Variants in SPNS3 observed in about 807,000 individuals in gnomAD.
The protein encoded by SPNS3 is SPNS lysolipid transporter 3, sphingosine-1-phosphate (putative).
Under a neutral mutation model 54.4 loss-of-function variants are expected in SPNS3, and 51 were observed. That is an observed-to-expected ratio of 0.94 (90% confidence interval 0.75 to 1.18). The LOEUF (loss-of-function observed/expected upper bound fraction) is 1.18, where lower values mean the gene tolerates loss of function less well. Among genes scored for constraint, SPNS3 ranks in the 50% most tolerant of loss-of-function variants. SPNS3 has a pLI of 0.00. For synonymous variants in SPNS3, 309 were observed against 294.7 expected (o/e 1.05, Z -0.50); for missense variants, 669 against 677.4 (o/e 0.99, Z 0.14).
intron 8 of SPNS3, among the ~76,000 whole-genome samples, chr17:4,458,646 T>TTCC (rs1971411098): frequency 7.8e-6 from 1 of 128,084 alleles, no homozygotes; most frequent in African/African-American, 3.0e-5. Context: ...TCTTTCTTTC[T>TTCC]TTCCTTCCTT....
chr17:4,437,788 C>CTT (rs35523910), intron 1 of SPNS3, among the ~76,000 whole-genome samples: 8,010 of 144,054 alleles, frequency 0.056, 285 homozygotes, highest in Non-Finnish European at 0.079. Context: ...ACAAAGATTT[C>CTT]TTTTTTTTTT....
At chr17:4,455,318 A>G (rs1182785987) in intron 8 of SPNS3, among the ~76,000 whole-genome samples, 5 of 152,076 alleles carry the variant, frequency 3.3e-5, no homozygotes, top group South Asian at 2.1e-4. Flanking sequence ...CATCCCTGAC[A>G]TCTCCCCTCC....
At chr17:4,456,153 T>C (rs1971308490) in intron 8 of SPNS3, among the ~76,000 whole-genome samples, 1 of 152,076 alleles carries the variant, frequency 6.6e-6, no homozygotes, top group Admixed American at 6.6e-5. Context: ...GGTTTTGCCA[T>C]GTTGCCCAGC....
rs1280244674 is a variant in SPNS3, at chr17:4,451,196, G to A, written c.923+1809G>A. ...ATTTGACTGGGCTGAGCCAGACCTC[G>A]CACAGCTTGGAAGCCTGGGAAGGTT... On this transcript the variant is annotated intron_variant, in intron 7 of 11. Coordinates refer to ENST00000355530, the MANE Select transcript of SPNS3 (RefSeq NM_182538.5). Among the ~76,000 whole-genome samples, 3 of 151,826 alleles carry A rather than the reference G, an allele frequency of 2.0e-5. 1 individual carries two copies. The highest frequency in any genetic ancestry group is 6.9e-3 in the Middle Eastern group (2 of 290).
chr17:4,487,167 CA>C (rs35822922), intron 11 of SPNS3, among the ~76,000 whole-genome samples: 18,027 of 70,362 alleles, frequency 0.26, 693 homozygotes, highest in Non-Finnish European at 0.28. Context: ...AAGACTGTCT[CA>C]AAAAAAAAAA....
At chr17:4,459,821 C>G (rs553020508) in intron 8 of SPNS3, among the ~76,000 whole-genome samples, 1 of 151,686 alleles carries the variant, frequency 6.6e-6, no homozygotes, top group African/African-American at 2.4e-5. Flanking sequence ...AGATAGATAA[C>G]AAACAAGATA....
At chr17:4,478,125 C>T (rs990738105) in intron 8 of SPNS3, among the ~76,000 whole-genome samples, 1 of 151,826 alleles carries the variant, frequency 6.6e-6, no homozygotes, top group Non-Finnish European at 1.5e-5. Context: ...GTGTGAGCCA[C>T]CACACCCTGC....
chr17:4,468,687 C>G (rs942107436), intron 8 of SPNS3, among the ~76,000 whole-genome samples: 8 of 150,226 alleles, frequency 5.3e-5, no homozygotes, highest in African/African-American at 1.9e-4. Context: ...GGACATTCAA[C>G]TGGACCTCTT....
intron 8 of SPNS3, among the ~76,000 whole-genome samples, chr17:4,457,506 C>T (rs1471553590): frequency 1.3e-5 from 2 of 152,258 alleles, no homozygotes; most frequent in East Asian, 3.8e-4. Flanking sequence ...ACTAGTAAAT[C>T]CCTTAATGCT....
chr17:4,480,250 C>T (rs956664349), intron 9 of SPNS3, among the ~76,000 whole-genome samples: 5 of 152,222 alleles, frequency 3.3e-5, no homozygotes, highest in African/African-American at 1.2e-4. Context: ...GACTTGGGCT[C>T]CAGCCCAGAG....
intron 1 of SPNS3, among the ~76,000 whole-genome samples, chr17:4,435,801 TC>T (rs1970701593): frequency 2.0e-5 from 3 of 151,300 alleles, no homozygotes; most frequent in Non-Finnish European, 4.4e-5. Flanking sequence ...GCGTGGTGGC[TC>T]ACGCCTGTAA....
At chr17:4,461,387 T>TTTTTTTTTTG (rs1971502423) in intron 8 of SPNS3, among the ~76,000 whole-genome samples, 1 of 110,750 alleles carries the variant, frequency 9.0e-6, no homozygotes, top group Non-Finnish European at 1.8e-5. Flanking sequence ...TTTTTTTTTT[T>TTTTTTTTTTG]GAGACAGGGT....
At chr17:4,487,046 C>T (rs1218130069) in intron 11 of SPNS3, among the ~76,000 whole-genome samples, 1 of 151,878 alleles carries the variant, frequency 6.6e-6, no homozygotes, top group African/African-American at 2.4e-5. Flanking sequence ...GTGGCACACA[C>T]CTGTAGTCCC....
chr17:4,476,941 C>T (rs993464753), intron 8 of SPNS3, among the ~76,000 whole-genome samples: 1 of 152,210 alleles, frequency 6.6e-6, no homozygotes, highest in African/African-American at 2.4e-5. Flanking sequence ...TCCCGTGGGT[C>T]CCCGGCTGGC....
chr17:4,461,324 A>AT (rs975513210), intron 8 of SPNS3, among the ~76,000 whole-genome samples: 4 of 67,066 alleles, frequency 6.0e-5, no homozygotes, highest in African/African-American at 2.0e-4. Context: ...ATTTTTCTCA[A>AT]TTTTTTTCTA....
At chr17:4,446,427 T>G (rs545631234) in intron 4 of SPNS3, among the ~76,000 whole-genome samples, 2 of 152,254 alleles carry the variant, frequency 1.3e-5, no homozygotes, top group African/African-American at 4.8e-5. Flanking sequence ...ATAGAGGTGA[T>G]GAGGATGTGC....
intron 2 of SPNS3, among the ~76,000 whole-genome samples, chr17:4,441,981 GAAGTGTGTGTGTGTGT>G (rs1970862373): frequency 1.1e-5 from 1 of 89,038 alleles, no homozygotes; most frequent in Non-Finnish European, 2.5e-5. Flanking sequence ...CACGGAGGGA[GAAGTGTGTGTGTGTGT>G]GTGTGTGTGT....
chr17:4,468,763 C>CTTTCTTTCTTTCTT lies in SPNS3; in HGVS notation c.1114-9808_1114-9807insTTCTTTCTTTCTTT, dbSNP rs59681919. On this transcript the variant is annotated intron_variant, in intron 8 of 11. Coordinates refer to ENST00000355530, the MANE Select transcript of SPNS3 (RefSeq NM_182538.5). ...TTTCTTTCTTTCTTTCTTTCTTTCT[C>CTTTCTTTCTTTCTT]TCTTTCTTTTTCTTTCTTTCTCTCT... 3.2e-3 allele frequency among the ~76,000 whole-genome samples: 94 copies of CTTTCTTTCTTTCTT among 28,992 alleles called. 1 individual carries two copies. The highest frequency in any genetic ancestry group is 8.5e-3 in the South Asian group (4 of 468). The allele number at this position is 28,992 out of a possible 152,430, so 19.0% of individuals were successfully genotyped here. A position where few individuals can be genotyped will look rare whatever the true frequency, so the allele number is the denominator to read the frequency against.
intron 9 of SPNS3, chr17:4,481,930 C>A (rs1972163689): frequency 6.6e-6 from 1 of 151,682 alleles, no homozygotes; most frequent in Non-Finnish European, 1.5e-5. Context: ...CGCACTGTCG[C>A]CAGGCTGGAG....
Sources: allele counts gnomAD v4.1 joint callset (sites outside exome capture counted in the v4.1 genomes callset), GRCh38; gene constraint gnomAD v4.1.1; transcripts MANE v1.5; gene names NCBI Gene and HGNC (gene_info 2026-07-23, HGNC 2026-07-21).